FHIT: variants seen among roughly 807,000 people sequenced by gnomAD.
The protein encoded by FHIT is fragile histidine triad diadenosine triphosphatase.
FHIT carries 19 observed loss-of-function variants against 17.9 expected under a neutral mutation model. The observed-to-expected ratio is 1.06, with a 90% CI of 0.74 to 1.56. FHIT has a LOEUF of 1.56. FHIT is among the 40% of genes most tolerant of loss of function. The probability of loss-of-function intolerance (pLI) is 0.00; values close to 1 mark genes in which losing one functional copy is unlikely to be tolerated. For synonymous variants in FHIT, 81 were observed against 69.7 expected (o/e 1.16, Z -0.81); for missense variants, 248 against 189.2 (o/e 1.31, Z -1.82).
intron 5 of FHIT, among the ~76,000 whole-genome samples, chr3:60,305,451 G>C (rs1172481411): frequency 6.6e-6 from 1 of 152,010 alleles, no homozygotes; most frequent in Non-Finnish European, 1.5e-5. Flanking sequence ...CTCTCTTCCA[G>C]GTTCTGTTTC....
At chr3:61,153,461 G>T (rs1014233596) in intron 2 of FHIT, among the ~76,000 whole-genome samples, 1 of 152,122 alleles carries the variant, frequency 6.6e-6, no homozygotes, top group African/African-American at 2.4e-5. Context: ...TGAACCCCCA[G>T]TTGGAAAAAG....
chr3:59,783,932 C>G (rs1702721176), intron 8 of FHIT, among the ~76,000 whole-genome samples: 1 of 152,150 alleles, frequency 6.6e-6, no homozygotes, highest in Non-Finnish European at 1.5e-5. Context: ...GACATTATTT[C>G]TGAGTCATGT....
intron 5 of FHIT, among the ~76,000 whole-genome samples, chr3:60,131,725 G>C (rs1405044473): frequency 6.6e-6 from 1 of 152,010 alleles, no homozygotes; most frequent in Non-Finnish European, 1.5e-5. Flanking sequence ...TGCCAGTCTA[G>C]GAGAGACTCC....
intron 5 of FHIT, among the ~76,000 whole-genome samples, chr3:60,083,842 C>G (rs1328548941): frequency 6.6e-6 from 1 of 152,336 alleles, no homozygotes; most frequent in East Asian, 1.9e-4. Flanking sequence ...CCTGCAGGCT[C>G]TTGTTTGCCA....
At chr3:60,622,417 T>C (rs1450278491) in intron 4 of FHIT, among the ~76,000 whole-genome samples, 2 of 152,148 alleles carry the variant, frequency 1.3e-5, no homozygotes, top group African/African-American at 4.8e-5. Flanking sequence ...AAACTGCTTT[T>C]GTCATTAGGT....
At chr3:60,074,934 C>A (rs1204920741) in intron 5 of FHIT, among the ~76,000 whole-genome samples, 1 of 152,068 alleles carries the variant, frequency 6.6e-6, no homozygotes, top group Admixed American at 6.6e-5. Flanking sequence ...CTCCCTTTCA[C>A]TGGATCCAAG....
At chr3:59,892,315 G>C (rs1415765347) in intron 8 of FHIT, among the ~76,000 whole-genome samples, 1 of 152,214 alleles carries the variant, frequency 6.6e-6, no homozygotes, top group South Asian at 2.1e-4. Flanking sequence ...TGCCACAATG[G>C]CTTGTCTCCT....
chr3:60,655,928 C>A (rs543791258), intron 4 of FHIT, among the ~76,000 whole-genome samples: 1 of 152,282 alleles, frequency 6.6e-6, no homozygotes, highest in East Asian at 1.9e-4. Flanking sequence ...TTGGCTACTA[C>A]GCCTTTCTGT....
intron 4 of FHIT, among the ~76,000 whole-genome samples, chr3:60,559,680 T>G (rs1005649301): frequency 6.6e-6 from 1 of 152,048 alleles, no homozygotes; most frequent in African/African-American, 2.4e-5. Context: ...ACTAACCCAC[T>G]GAGAAGATGG....
At chr3:61,198,897 ATGATGATG>A (rs1560063832) in intron 2 of FHIT, among the ~76,000 whole-genome samples, 5 of 4,438 alleles carry the variant, frequency 1.1e-3, no homozygotes, top group African/African-American at 2.6e-3. Context: ...GCCGCCGCCG[ATGATGATG>A]ATGATGATGA....
chr3:60,956,329 A>G (rs1553778869), intron 3 of FHIT, among the ~76,000 whole-genome samples: 1 of 152,210 alleles, frequency 6.6e-6, no homozygotes, highest in Non-Finnish European at 1.5e-5. Flanking sequence ...GATAGCAAGT[A>G]CAGCCAGGCC....
chr3:60,974,047 G>A (rs181733537), intron 3 of FHIT, among the ~76,000 whole-genome samples: 1 of 152,010 alleles, frequency 6.6e-6, no homozygotes, highest in Non-Finnish European at 1.5e-5. Flanking sequence ...ACAATTCATA[G>A]GCTCAGAGAC....
At chr3:60,089,843 T>C (rs1005789736) in intron 5 of FHIT, among the ~76,000 whole-genome samples, 11 of 152,152 alleles carry the variant, frequency 7.2e-5, no homozygotes, top group African/African-American at 1.9e-4. Context: ...CGTAATATTG[T>C]TGAATTGGGG....
At chr3:60,482,857 A>G (rs926884487) in intron 5 of FHIT, among the ~76,000 whole-genome samples, 1 of 152,078 alleles carries the variant, frequency 6.6e-6, no homozygotes, top group African/African-American at 2.4e-5. Context: ...TAGAGACACA[A>G]AAAACCCTCC....
chr3:60,500,686 T>C (rs1219037506), intron 5 of FHIT, among the ~76,000 whole-genome samples: 1 of 147,326 alleles, frequency 6.8e-6, no homozygotes, highest in Non-Finnish European at 1.5e-5. Context: ...GGCAGGAGAA[T>C]TGCTTGAACC....
At chr3:59,928,656 A>G (rs1205605627) in intron 7 of FHIT, among the ~76,000 whole-genome samples, 1 of 152,228 alleles carries the variant, frequency 6.6e-6, no homozygotes, top group Non-Finnish European at 1.5e-5. Flanking sequence ...TTAGCCCAAA[A>G]CCACAAAGAC....
intron 4 of FHIT, among the ~76,000 whole-genome samples, chr3:60,694,827 C>A (rs13319932): frequency 0.019 from 2,866 of 152,108 alleles, 111 homozygotes; most frequent in African/African-American, 0.065. Context: ...AAAAACCAAA[C>A]ACCACATGTT....
chr3:60,861,019 T>C (rs1553752093), intron 3 of FHIT, among the ~76,000 whole-genome samples: 1 of 104,516 alleles, frequency 9.6e-6, no homozygotes, highest in African/African-American at 3.3e-5. Flanking sequence ...ATGATACATA[T>C]ATACGTATAT....
intron 4 of FHIT, among the ~76,000 whole-genome samples, chr3:60,597,169 C>T (rs369713246): frequency 5.9e-5 from 9 of 152,014 alleles, no homozygotes; most frequent in East Asian, 1.9e-4. Flanking sequence ...AGAAAGTGTA[C>T]AGAAAATAAT....
Sources: allele counts gnomAD v4.1 joint callset (sites outside exome capture counted in the v4.1 genomes callset), GRCh38; gene constraint gnomAD v4.1.1; transcripts MANE v1.5; gene names NCBI Gene and HGNC (gene_info 2026-07-23, HGNC 2026-07-21).